SEMA6D: variants seen among roughly 807,000 people sequenced by gnomAD.
SEMA6D encodes semaphorin 6D.
SEMA6D carries 35 observed loss-of-function variants against 106.6 expected under a neutral mutation model. That is an observed-to-expected ratio of 0.33 (90% CI 0.25 to 0.44). SEMA6D has a LOEUF of 0.44. Among genes scored for constraint, SEMA6D ranks in the 20% least tolerant of loss-of-function variants. The probability of loss-of-function intolerance (pLI) is 1.00; values close to 1 mark genes in which losing one functional copy is unlikely to be tolerated. For missense variants in SEMA6D, 1,185 were observed against 1,345.9 expected (o/e 0.88, Z 1.87); for synonymous variants, 499 against 487.7 (o/e 1.02, Z -0.31).
chr15:47,347,945 C>T (rs533534046), intron 1 of SEMA6D, among the ~76,000 whole-genome samples: 8 of 152,272 alleles, frequency 5.3e-5, no homozygotes, highest in African/African-American at 1.9e-4. Flanking sequence ...TTCTGAGTCC[C>T]TTCCATCTTG....
intron 2 of SEMA6D, among the ~76,000 whole-genome samples, chr15:47,456,399 T>C (rs895027325): frequency 1.3e-5 from 2 of 152,036 alleles, no homozygotes; most frequent in Non-Finnish European, 2.9e-5. Context: ...TAGCAGTTGC[T>C]GTGATTTTAT....
chr15:47,254,412 C>A (rs1201158062), intron 1 of SEMA6D, among the ~76,000 whole-genome samples: 1 of 150,844 alleles, frequency 6.6e-6, no homozygotes, highest in Non-Finnish European at 1.5e-5. Flanking sequence ...CATTTGGATG[C>A]CCTTTATTTC....
chr15:47,318,220 A>G (rs1416976710), intron 1 of SEMA6D, among the ~76,000 whole-genome samples: 1 of 150,228 alleles, frequency 6.7e-6, no homozygotes, highest in Admixed American at 6.6e-5. Flanking sequence ...GAAGTTGCGA[A>G]TATTTTTTCC....
intron 3 of SEMA6D, among the ~76,000 whole-genome samples, chr15:47,519,275 C>G (rs1302059168): frequency 2.6e-5 from 4 of 152,192 alleles, no homozygotes; most frequent in African/African-American, 4.8e-5. Flanking sequence ...CTTGTTTACA[C>G]TGGCATCACC....
chr15:47,656,587 A>G (rs2077799707), intron 4 of SEMA6D, among the ~76,000 whole-genome samples: 1 of 152,192 alleles, frequency 6.6e-6, no homozygotes, highest in Admixed American at 6.5e-5. Context: ...GGATAACTCT[A>G]TGATTGAGCT....
intron 4 of SEMA6D, among the ~76,000 whole-genome samples, chr15:47,673,704 G>T (rs12899874): frequency 6.6e-6 from 1 of 152,148 alleles, no homozygotes. Flanking sequence ...GCTGTCACGT[G>T]GGGGGAGAAT....
intron 4 of SEMA6D, among the ~76,000 whole-genome samples, chr15:47,692,688 TG>T (rs1377887681): frequency 6.6e-6 from 1 of 152,198 alleles, no homozygotes; most frequent in East Asian, 1.9e-4. Context: ...GGGGTCTGTT[TG>T]CAGACATGGC....
intron 3 of SEMA6D, among the ~76,000 whole-genome samples, chr15:47,526,655 G>A (rs1200200593): frequency 2.0e-5 from 3 of 152,152 alleles, no homozygotes; most frequent in Non-Finnish European, 4.4e-5. Flanking sequence ...TGCCAGAAAT[G>A]GTTTATGTTT....
chr15:47,761,769 A>G lies in SEMA6D; in HGVS notation c.538+18A>G, dbSNP rs1173403418. On this transcript the variant is annotated intron_variant, in intron 7 of 18. Transcript: ENST00000536845. ...CTTTGCTGGTAAGATCCTTTAGCGT[A>G]ATGAATATAAATGATTAATGACATT... is the stretch of plus-strand genomic sequence containing the variant. 1.9e-6 allele frequency: 3 copies of G among 1,545,208 alleles called. No homozygotes were observed. The highest frequency in any genetic ancestry group is 1.2e-5 in the South Asian group (1 of 85,134).
intron 1 of SEMA6D, among the ~76,000 whole-genome samples, chr15:47,734,445 G>A (rs1202193957): frequency 1.3e-5 from 2 of 151,966 alleles, no homozygotes; most frequent in Admixed American, 6.6e-5. Context: ...AATTTTTTTC[G>A]AACAAGGAGA....
At chr15:47,261,995 C>T (rs144224368) in intron 1 of SEMA6D, among the ~76,000 whole-genome samples, 1 of 152,020 alleles carries the variant, frequency 6.6e-6, no homozygotes, top group Non-Finnish European at 1.5e-5. Flanking sequence ...CAATCTTATA[C>T]AGCATCAGTG....
chr15:47,378,643 G>T (rs1595866737), intron 1 of SEMA6D, among the ~76,000 whole-genome samples: 2 of 152,176 alleles, frequency 1.3e-5, no homozygotes, highest in Non-Finnish European at 2.9e-5. Flanking sequence ...TTTCCACCAA[G>T]TGCTGCCTCC....
chr15:47,421,066 C>T (rs1193536036), intron 2 of SEMA6D, among the ~76,000 whole-genome samples: 5 of 152,080 alleles, frequency 3.3e-5, no homozygotes, highest in Admixed American at 6.6e-5. Context: ...GTAGATGATA[C>T]GAGTCAGTGA....
chr15:47,558,281 A>G (rs1413658330), intron 3 of SEMA6D, among the ~76,000 whole-genome samples: 2 of 152,252 alleles, frequency 1.3e-5, no homozygotes, highest in South Asian at 4.1e-4. Context: ...TATTTACTAT[A>G]TAATAGCTAT....
At chr15:47,274,019 T>C (rs2034685454) in intron 1 of SEMA6D, among the ~76,000 whole-genome samples, 1 of 152,082 alleles carries the variant, frequency 6.6e-6, no homozygotes, top group South Asian at 2.1e-4. Context: ...CTTGGGGGTA[T>C]GGACCTAAAG....
chr15:47,738,754 C>T (rs966194058), intron 1 of SEMA6D, among the ~76,000 whole-genome samples: 4 of 152,182 alleles, frequency 2.6e-5, no homozygotes, highest in South Asian at 2.1e-4. Context: ...AAAACTACCA[C>T]GATCATTTGT....
chr15:47,349,928 A>G (rs1238698165), intron 1 of SEMA6D, among the ~76,000 whole-genome samples: 1 of 152,194 alleles, frequency 6.6e-6, no homozygotes, highest in Non-Finnish European at 1.5e-5. Flanking sequence ...CAGCAACAAC[A>G]CAACAACAGG....
chr15:47,404,842 G>A (rs1276252922), intron 1 of SEMA6D, among the ~76,000 whole-genome samples: 2 of 152,046 alleles, frequency 1.3e-5, no homozygotes, highest in African/African-American at 4.8e-5. Context: ...AGGATAAAAA[G>A]GTACATTTGC....
At chr15:47,431,371 A>G (rs2041517445) in intron 2 of SEMA6D, among the ~76,000 whole-genome samples, 1 of 152,162 alleles carries the variant, frequency 6.6e-6, no homozygotes, top group African/African-American at 2.4e-5. Flanking sequence ...ACTGTAGTTT[A>G]AACAGTTCCC....
Sources: allele counts gnomAD v4.1 joint callset (sites outside exome capture counted in the v4.1 genomes callset), GRCh38; gene constraint gnomAD v4.1.1; transcripts MANE v1.5; gene names NCBI Gene and HGNC (gene_info 2026-07-23, HGNC 2026-07-21).